The following NQO2 variants were observed in gnomAD, a reference collection of about 807,000 sequenced individuals.
NQO2 encodes the protein ribosyldihydronicotinamide dehydrogenase [quinone].
A neutral mutation model predicts 22.0 loss-of-function variants in NQO2; 18 were observed. That is an observed-to-expected ratio of 0.82 (90% CI 0.56 to 1.21). The LOEUF (loss-of-function observed/expected upper bound fraction) is 1.21. Ranked by LOEUF, NQO2 falls within the 50% of genes most tolerant of loss-of-function variation. The pLI, the probability that NQO2 is intolerant of heterozygous loss-of-function variation, is 0.00. For missense variants in NQO2, 267 were observed against 286.9 expected, an observed-to-expected ratio of 0.93 and a Z score of 0.50; for synonymous variants, 106 against 110.8, an observed-to-expected ratio of 0.96 and a Z score of 0.28.
chr6:3,004,746 C>G, intron 1 of NQO2: 3 of 575,790 alleles, frequency 5.2e-6, no homozygotes, highest in Non-Finnish European at 6.6e-6. Context: ...ACACAACATG[C>G]GCGATGCGTG....
intron 1 of NQO2, among the ~76,000 whole-genome samples, chr6:3,000,541 A>T (rs1472405839): frequency 7.1e-6 from 1 of 140,168 alleles, no homozygotes; most frequent in Non-Finnish European, 1.5e-5. Context: ...AAAAAAAATC[A>T]GCTTTTTTTT....
At position 3,016,965 on chromosome 6, in the gene NQO2, T is replaced by A; in HGVS notation, c.499T>A (p.Tyr167Asn). The change falls in exon 6 of 7, where the codon TAC becomes AAC. Residue 167 changes from tyrosine (Y) to asparagine (N), a missense_variant. Coordinates refer to ENST00000380455, the MANE Select transcript of NQO2 (RefSeq NM_000904.6). ...TKTGVNGDSR[Y>N]FLWPLQHGTL... is the part of the protein sequence containing the mutation. ...GACAGGAGTCAATGGAGATTCTCGATACTTCCTGTGGCCACTCCAGGTAGA... is the reference window on the plus strand; with the variant it reads ...GACAGGAGTCAATGGAGATTCTCGAAACTTCCTGTGGCCACTCCAGGTAGA... 1 of 1,613,970 alleles carries A rather than the reference T, an allele frequency of 6.2e-7. No individual in the cohort carries two copies. The highest frequency in any genetic ancestry group is 2.2e-5 in the East Asian group (1 of 44,878).
At chr6:3,008,215 C>T (rs181014203) in intron 2 of NQO2, among the ~76,000 whole-genome samples, 41 of 152,036 alleles carry the variant, frequency 2.7e-4, no homozygotes, top group Non-Finnish European at 3.4e-4. Context: ...GTCGGGAGTT[C>T]GAGACCAGCT....
intron 4 of NQO2, among the ~76,000 whole-genome samples, chr6:3,014,859 G>T (rs953029310): frequency 4.1e-4 from 62 of 152,292 alleles, no homozygotes; most frequent in African/African-American, 1.4e-3. Context: ...GCACAGGGAG[G>T]TCAAGTAACT....
chr6:3,018,441 G>A (rs1757415655), intron 6 of NQO2, among the ~76,000 whole-genome samples: 1 of 152,156 alleles, frequency 6.6e-6, no homozygotes, highest in Admixed American at 6.5e-5. Context: ...AGAGACGGAG[G>A]TTGCAGTGAG....
Position 3,015,608 on chromosome 6 carries a change from G to A in NQO2, c.382G>A (p.Asp128Asn), listed in dbSNP as rs776173677. ...DRVLCQGFAF[D>N]IPGFYDSGLL... ...GGTGCTGTGCCAGGGCTTTGCCTTTGACATCCCAGGATTCTACGATTCCGG... is the reference window on the plus strand; with the variant it reads ...GGTGCTGTGCCAGGGCTTTGCCTTTAACATCCCAGGATTCTACGATTCCGG... The change falls in exon 5 of 7, where the codon GAC becomes AAC. Residue 128 changes from aspartate to asparagine, a missense_variant. Coordinates refer to ENST00000380455, the MANE Select transcript of NQO2 (RefSeq NM_000904.6). The A allele has an allele frequency of 6.2e-7, 1 of 1,614,170 alleles. No individual in the cohort carries two copies. The highest frequency in any genetic ancestry group is 8.5e-7 in the Non-Finnish European group (1 of 1,180,018).
intron 2 of NQO2, among the ~76,000 whole-genome samples, chr6:3,008,858 G>A (rs543000255): frequency 6.6e-6 from 1 of 152,114 alleles, no homozygotes; most frequent in East Asian, 1.9e-4. Context: ...CAAAGGGGAG[G>A]GAGTGTACAA....
At chr6:3,002,305 C>A in intron 1 of NQO2, 1 of 880,818 alleles carries the variant, frequency 1.1e-6, no homozygotes, top group Non-Finnish European at 1.4e-6. Context: ...TTTCATATCA[C>A]TCTATTTTCT....
chr6:3,017,100 G>A, intron 6 of NQO2, 115 bp downstream of exon 6: 1 of 1,222,760 alleles, frequency 8.2e-7, no homozygotes, highest in African/African-American at 1.5e-5. Flanking sequence ...AGCTCCCCGA[G>A]GGGTGAGATG....
intron 4 of NQO2, among the ~76,000 whole-genome samples, chr6:3,014,601 T>C (rs1363481776): frequency 6.6e-6 from 1 of 152,230 alleles, no homozygotes; most frequent in African/African-American, 2.4e-5. Flanking sequence ...TTTCACTTCA[T>C]TTCACTCCAT....
intron 4 of NQO2, among the ~76,000 whole-genome samples, chr6:3,012,990 C>G (rs968604134): frequency 4.6e-4 from 45 of 97,548 alleles, no homozygotes; most frequent in African/African-American, 1.7e-3. Context: ...GAGTCTCGCT[C>G]TGTCGCCCAG....
chr6:3,015,419 TG>T (rs1300190903), intron 4 of NQO2, 110 bp from the exon 5 acceptor site: 62 of 1,484,520 alleles, frequency 4.2e-5, no homozygotes, highest in Non-Finnish European at 5.3e-5. Context: ...CCTGCCCAGC[TG>T]CCAGGGAAGA....
chr6:3,009,244 TTCAGCGATATTTC>T (rs1163129660), intron 2 of NQO2, among the ~76,000 whole-genome samples: 4 of 152,242 alleles, frequency 2.6e-5, no homozygotes, highest in Non-Finnish European at 5.9e-5. Context: ...AGAAAAAGAA[TTCAGCGATATTTC>T]TCCCATTTGC....
At chr6:3,014,075 C>T (rs1178035855) in intron 4 of NQO2, among the ~76,000 whole-genome samples, 4 of 152,184 alleles carry the variant, frequency 2.6e-5, no homozygotes, top group Admixed American at 6.5e-5. Flanking sequence ...GAGCACTGTT[C>T]GCATGAGTCC....
At chr6:3,012,350 A>G (rs1757160843) in intron 3 of NQO2, 194 bp from the exon 4 acceptor site, 1 of 981,384 alleles carries the variant, frequency 1.0e-6, no homozygotes, top group Non-Finnish European at 1.2e-6. Context: ...GCTAGGTAGC[A>G]AGTGCTCAAT....
intron 4 of NQO2, among the ~76,000 whole-genome samples, chr6:3,014,944 G>GC (rs1318283521): frequency 1.3e-5 from 2 of 152,218 alleles, no homozygotes; most frequent in African/African-American, 4.8e-5. Flanking sequence ...TATATGGAAA[G>GC]CACAAGAGAC....
At chr6:3,015,151 C>A in intron 4 of NQO2, 1 of 1,303,008 alleles carries the variant, frequency 7.7e-7, no homozygotes, top group South Asian at 1.2e-5. Flanking sequence ...CAGATGCTAA[C>A]AACACACCCC....
At chr6:3,015,109 T>G in intron 4 of NQO2, 1 of 1,293,958 alleles carries the variant, frequency 7.7e-7, no homozygotes, top group Non-Finnish European at 1.0e-6. Context: ...TCTAAATCCA[T>G]AGATGCTCAG....
intron 4 of NQO2, among the ~76,000 whole-genome samples, chr6:3,013,373 C>T (rs1429572684): frequency 6.6e-6 from 1 of 152,146 alleles, no homozygotes; most frequent in Non-Finnish European, 1.5e-5. Flanking sequence ...TCCATTATTC[C>T]AGTGGTCCAA....
Sources: allele counts gnomAD v4.1 joint callset (sites outside exome capture counted in the v4.1 genomes callset), GRCh38; gene constraint gnomAD v4.1.1; transcripts MANE v1.5; gene names NCBI Gene and HGNC (gene_info 2026-07-23, HGNC 2026-07-21).